Variants in ZFHX3 observed in about 807,000 individuals in gnomAD.
ZFHX3 encodes the protein zinc finger homeobox protein 3.
In ZFHX3, 42 loss-of-function variants were observed where a neutral mutation model predicts 279.1. That is an observed-to-expected ratio of 0.15 (90% CI 0.12 to 0.19). The LOEUF (loss-of-function observed/expected upper bound fraction) is 0.19, where lower values mean the gene tolerates loss of function less well. ZFHX3 is among the 10% of genes least tolerant of loss of function. The probability of loss-of-function intolerance (pLI) is 1.00; values close to 1 mark genes in which losing one functional copy is unlikely to be tolerated. For synonymous variants in ZFHX3, 2,293 were observed against 1,957.8 expected (o/e 1.17, Z -4.52); for missense variants, 4,981 against 4,754.0 (o/e 1.05, Z -1.40).
chr16:73,306,061 C>A (rs1256752229), intron 4 of ZFHX3, among the ~76,000 whole-genome samples: 1 of 152,182 alleles, frequency 6.6e-6, no homozygotes, highest in African/African-American at 2.4e-5. Flanking sequence ...GTGACGCTGA[C>A]GCGACCTGTG....
At chr16:73,572,550 C>T (rs1003157497) in intron 2 of ZFHX3, among the ~76,000 whole-genome samples, 4 of 152,296 alleles carry the variant, frequency 2.6e-5, no homozygotes, top group East Asian at 3.9e-4. Context: ...CTCCCCTCTC[C>T]GTAGGTCTAA....
chr16:72,853,247 A>G (rs1490272740), intron 4 of ZFHX3, among the ~76,000 whole-genome samples: 1 of 152,232 alleles, frequency 6.6e-6, no homozygotes, highest in Non-Finnish European at 1.5e-5. Flanking sequence ...GCTTCCCTGA[A>G]TCTTCACCTG....
In ZFHX3 at chr16:73,280,909, T is replaced by C. The variant is rs559599450; in HGVS notation, c.-1193-23773A>G. Among the ~76,000 whole-genome samples the C allele has an allele frequency of 9.5e-4, 144 of 151,656 alleles. 3 individuals are homozygous for C. In the South Asian group the frequency reaches 0.03, roughly 31 times the overall value. On this transcript the variant is annotated intron_variant, in intron 4 of 17. Transcript: ENST00000641206. ...CTGAGGCAGGAGAATCTTTTGAACCTGGGAGGTAGAGGTTGTGGTGAGCCA... is the reference window on the plus strand; with the variant it reads ...CTGAGGCAGGAGAATCTTTTGAACCCGGGAGGTAGAGGTTGTGGTGAGCCA...
At chr16:72,859,572 A>G (rs747919137) in intron 4 of ZFHX3, among the ~76,000 whole-genome samples, 1 of 152,236 alleles carries the variant, frequency 6.6e-6, no homozygotes, top group Non-Finnish European at 1.5e-5. Flanking sequence ...ATAGAGGGAA[A>G]TAAAGACGTT....
At chr16:73,581,391 T>C (rs529284968) in intron 2 of ZFHX3, among the ~76,000 whole-genome samples, 1 of 152,000 alleles carries the variant, frequency 6.6e-6, no homozygotes, top group South Asian at 2.1e-4. Flanking sequence ...TACTTTCATA[T>C]ACTGTTTGTA....
chr16:72,897,040 C>T (rs2038917771), intron 3 of ZFHX3, among the ~76,000 whole-genome samples: 3 of 152,194 alleles, frequency 2.0e-5, no homozygotes, highest in Admixed American at 6.5e-5. Flanking sequence ...CCAGGAGATG[C>T]GAGGTGCTTC....
intron 1 of ZFHX3, among the ~76,000 whole-genome samples, chr16:73,878,441 C>G (rs1158092244): frequency 1.3e-5 from 2 of 152,004 alleles, no homozygotes. Context: ...CTTTTTTAAG[C>G]CTTCTCTTCA....
chr16:73,833,098 T>G (rs1474521862), intron 1 of ZFHX3, among the ~76,000 whole-genome samples: 1 of 152,204 alleles, frequency 6.6e-6, no homozygotes, highest in Non-Finnish European at 1.5e-5. Context: ...AAAAATTTAT[T>G]TAGCTTATAA....
intron 3 of ZFHX3, among the ~76,000 whole-genome samples, chr16:73,366,858 C>T (rs930182903): frequency 9.9e-5 from 15 of 152,188 alleles, no homozygotes; most frequent in East Asian, 5.8e-4. Flanking sequence ...CATTGTACCA[C>T]AGAGAATGTT....
chr16:73,465,772 G>A (rs991982855), intron 2 of ZFHX3, among the ~76,000 whole-genome samples: 9 of 152,160 alleles, frequency 5.9e-5, no homozygotes, highest in South Asian at 2.1e-4. Context: ...TCTTGGCTCC[G>A]CTTCTAACTC....
intron 4 of ZFHX3, among the ~76,000 whole-genome samples, chr16:72,858,192 A>C (rs1265287262): frequency 6.6e-6 from 1 of 152,206 alleles, no homozygotes; most frequent in African/African-American, 2.4e-5. Context: ...CGTGGAAGAA[A>C]TTATTTTAGA....
chr16:72,887,227 G>A (rs979290397), intron 4 of ZFHX3, among the ~76,000 whole-genome samples: 9 of 152,140 alleles, frequency 5.9e-5, no homozygotes, highest in Admixed American at 1.3e-4. Flanking sequence ...TAGGAGGGAC[G>A]CCTCCAGGAG....
chr16:73,511,777 A>T (rs906573091), intron 2 of ZFHX3, among the ~76,000 whole-genome samples: 1 of 152,188 alleles, frequency 6.6e-6, no homozygotes, highest in African/African-American at 2.4e-5. Flanking sequence ...CAGGGCTCCT[A>T]TGCCCAAGTC....
chr16:73,280,198 G>T (rs1489255649), intron 4 of ZFHX3, among the ~76,000 whole-genome samples: 1 of 152,086 alleles, frequency 6.6e-6, no homozygotes, highest in Non-Finnish European at 1.5e-5. Flanking sequence ...AAAGATCCTT[G>T]ATATTGGATG....
chr16:73,028,313 G>A (rs1269325239), intron 1 of ZFHX3, among the ~76,000 whole-genome samples: 1 of 152,170 alleles, frequency 6.6e-6, no homozygotes, highest in African/African-American at 2.4e-5. Flanking sequence ...CCACCGGGAG[G>A]TGGAAAACAC....
intron 2 of ZFHX3, among the ~76,000 whole-genome samples, chr16:73,531,115 C>G (rs2019793424): frequency 6.6e-6 from 1 of 152,180 alleles, no homozygotes. Flanking sequence ...TTTAGAGATT[C>G]AAGATGTCTT....
rs1436561918 is a variant in ZFHX3 at position 73,787,836 on chromosome 16, TG to T, written c.-1608+103814del. On this transcript the variant is annotated intron_variant, in intron 1 of 17. Coordinates refer to the ZFHX3 transcript ENST00000641206. Reference sequence around the variant, plus strand: ...TAAAGTGTGTGTGTGTGTGTGTGTGTGTGTGTGTGTGTGTGTGAAAGAGAGA... The same window carrying T: ...TAAAGTGTGTGTGTGTGTGTGTGTGTTGTGTGTGTGTGTGTGAAAGAGAGA... Among the ~76,000 whole-genome samples, 28 of 148,258 alleles carry T rather than the reference TG, an allele frequency of 1.9e-4. 1 individual carries two copies. Among genetic ancestry groups the T allele is most frequent in the African/African-American group, 6.7e-4 (26 of 38,550 alleles).
chr16:73,570,618 T>C (rs1469374136), intron 2 of ZFHX3, among the ~76,000 whole-genome samples: 1 of 152,160 alleles, frequency 6.6e-6, no homozygotes, highest in African/African-American at 2.4e-5. Context: ...CTTTGAAAAG[T>C]TTCTTGGGCA....
At chr16:73,499,253 A>G (rs924559874) in intron 2 of ZFHX3, 4 of 152,154 alleles carry the variant, frequency 2.6e-5, no homozygotes, top group African/African-American at 4.8e-5. Flanking sequence ...TCACCCACCC[A>G]AGGGGCATTT....
Sources: gnomAD v4.1 joint callset for allele counts (sites outside exome capture counted in the v4.1 genomes callset) on GRCh38, gnomAD v4.1.1 for gene constraint, MANE v1.5 for transcripts, NCBI Gene and HGNC (gene_info 2026-07-23, HGNC 2026-07-21) for gene names.